Variants in SNX31 observed in about 807,000 individuals in gnomAD.
The protein encoded by SNX31 is sorting nexin 31.
In SNX31, 58 loss-of-function variants were observed where a neutral mutation model predicts 65.4. That is an observed-to-expected ratio of 0.89 (90% CI 0.72 to 1.10). The LOEUF is 1.10. Among genes scored for constraint, SNX31 ranks in the 50% least tolerant of loss-of-function variants. The probability of loss-of-function intolerance (pLI) is 0.00; values close to 1 mark genes in which losing one functional copy is unlikely to be tolerated. For synonymous variants in SNX31, 181 were observed against 190.1 expected (o/e 0.95, Z 0.39); for missense variants, 523 against 529.7 (o/e 0.99, Z 0.12).
In SNX31 at chr8:100,641,601, TAC is replaced by T. The variant is rs1197467682; in HGVS notation, c.142-5592_142-5591del. ...ATATATATATATATATATATACACA[TAC>T]ACACACACACGCACACACGCGCATA... On this transcript the variant is annotated intron_variant, in intron 2 of 13. Coordinates refer to ENST00000311812, the MANE Select transcript of SNX31 (RefSeq NM_152628.4). 4.1e-3 allele frequency among the ~76,000 whole-genome samples: 85 copies of T among 20,866 alleles called. 1 individual carries two copies. Among genetic ancestry groups the T allele is most frequent in the South Asian group, 0.039 (12 of 310 alleles). 13.7% of individuals were successfully genotyped at this position (20,866 alleles called of 152,430 possible).
chr8:100,585,461 G>C (rs1210624044), intron 11 of SNX31, among the ~76,000 whole-genome samples: 1 of 152,146 alleles, frequency 6.6e-6, no homozygotes, highest in African/African-American at 2.4e-5. Context: ...GAAGTTCTTG[G>C]AGGGGAGAAC....
intron 1 of SNX31, among the ~76,000 whole-genome samples, chr8:100,662,600 GGCAGGAGAATACCTTGAACCCAGGAGGCA>G (rs1809805983): frequency 6.6e-6 from 1 of 152,182 alleles, no homozygotes; most frequent in Admixed American, 6.5e-5. Flanking sequence ...GGGAGGCTGA[GGCAGGAGAATACCTTGAACCCAGGAGGCA>G]GAGGTTGCAG....
At chr8:100,641,109 A>T (rs558617286) in intron 2 of SNX31, among the ~76,000 whole-genome samples, 1 of 152,102 alleles carries the variant, frequency 6.6e-6, no homozygotes, top group Admixed American at 6.5e-5. Flanking sequence ...TTAAAAAAAA[A>T]CTGATGTTCT....
upstream of SNX31, among the ~76,000 whole-genome samples, chr8:100,650,614 G>A (rs545311260): frequency 2.0e-5 from 3 of 152,322 alleles, no homozygotes; most frequent in South Asian, 2.1e-4. Context: ...CCTCCTGCGT[G>A]CTTGCTGGGT....
chr8:100,649,862 G>A (rs1156850326), upstream of SNX31, among the ~76,000 whole-genome samples: 1 of 152,172 alleles, frequency 6.6e-6, no homozygotes, highest in Non-Finnish European at 1.5e-5. Flanking sequence ...CCCATTACCT[G>A]CCAACGCTGC....
In SNX31 at chr8:100,588,401, AT is replaced by A. The variant is rs569099801; in HGVS notation, c.1092+464del. ...ATTTTTATTAACTAAGATCATAAAA[AT>A]CTGTATTGCCTAAGTCAGGGGTTGG... On this transcript the variant is annotated intron_variant, in intron 11 of 13. Transcript: ENST00000311812. This position sits in a 1 kb window ranked among gnomAD's most constrained non-coding sequence, Gnocchi z 4.8. Among the ~76,000 whole-genome samples the A allele has an allele frequency of 4.8e-3, 735 of 152,330 alleles. 2 individuals are homozygous for A. Among genetic ancestry groups the A allele is most frequent in the Non-Finnish European group, 7.6e-3 (517 of 68,032 alleles).
rs1336495543 is a variant in SNX31, at chr8:100,594,076, G to T, written c.978+2563C>A. Among the ~76,000 whole-genome samples, 4 of 152,110 alleles carry T rather than the reference G, an allele frequency of 2.6e-5. No individual in the cohort carries two copies. Among genetic ancestry groups the T allele is most frequent in the Non-Finnish European group, 5.9e-5 (4 of 68,032 alleles). ...CCAGCACTTTGGGAGGCCGAAGCAGGCAGATTGTTTGAGGTCAGGAGTTTG... is the reference window on the plus strand; with the variant it reads ...CCAGCACTTTGGGAGGCCGAAGCAGTCAGATTGTTTGAGGTCAGGAGTTTG... On this transcript the variant is annotated intron_variant, in intron 10 of 13. Coordinates refer to ENST00000311812, the MANE Select transcript of SNX31 (RefSeq NM_152628.4). The surrounding 1 kb of genome is among the most constrained non-coding windows in gnomAD (Gnocchi z 4.0).
intron 8 of SNX31, among the ~76,000 whole-genome samples, chr8:100,602,638 G>A (rs1183209443): frequency 1.3e-5 from 2 of 152,124 alleles, no homozygotes; most frequent in Admixed American, 1.3e-4. Context: ...GCACTTTAGG[G>A]CCATTATTAA....
At chr8:100,649,208 G>T in intron 2 of SNX31, 66 bp downstream of exon 2, 1 of 1,519,440 alleles carries the variant, frequency 6.6e-7, no homozygotes, top group Non-Finnish European at 9.1e-7. Context: ...GGAACAGAGC[G>T]CTTTGGGGAC....
chr8:100,620,155 G>T (rs969168958), intron 4 of SNX31, among the ~76,000 whole-genome samples: 2 of 152,178 alleles, frequency 1.3e-5, no homozygotes, highest in African/African-American at 4.8e-5. Context: ...TCACCTTCCA[G>T]GTGTCAGCAT....
intron 10 of SNX31, among the ~76,000 whole-genome samples, chr8:100,590,327 T>C (rs778921506): frequency 1.1e-4 from 16 of 152,212 alleles, no homozygotes; most frequent in Admixed American, 6.5e-5. Flanking sequence ...GTGTGGTAGC[T>C]CATGCCTGTA....
chr8:100,593,778 G>A (rs985864169), intron 10 of SNX31, among the ~76,000 whole-genome samples: 4 of 151,834 alleles, frequency 2.6e-5, no homozygotes, highest in African/African-American at 9.7e-5. Flanking sequence ...TAAGTCTCAT[G>A]CTCCATACAA....
intron 10 of SNX31, among the ~76,000 whole-genome samples, chr8:100,595,311 G>GTTTTTTT (rs765163460): frequency 1.4e-5 from 2 of 138,784 alleles, no homozygotes; most frequent in Non-Finnish European, 1.5e-5. Flanking sequence ...GAGGGAATTT[G>GTTTTTTT]TTGTTTTTTT....
At chr8:100,632,867 G>T (rs1169661805) in intron 3 of SNX31, among the ~76,000 whole-genome samples, 1 of 151,304 alleles carries the variant, frequency 6.6e-6, no homozygotes, top group East Asian at 2.0e-4. Flanking sequence ...AAAGTGTTGG[G>T]ATTACAGGTG....
intron 2 of SNX31, among the ~76,000 whole-genome samples, chr8:100,638,908 A>T (rs12675004): frequency 0.48 from 72,569 of 152,060 alleles, 17,590 homozygotes; most frequent in African/African-American, 0.55. Flanking sequence ...AAGACATGAA[A>T]GAAACGTAAA....
rs112567274 is a variant in SNX31, at chr8:100,612,738, G to C, written c.523+257C>G. On this transcript the variant is annotated intron_variant, in intron 6 of 13. Coordinates refer to ENST00000311812, the MANE Select transcript of SNX31 (RefSeq NM_152628.4). The surrounding 1 kb of genome is among the most constrained non-coding windows in gnomAD (Gnocchi z 4.3). ...GTGGTCAGGCCGGGCCTGCGGTAAA[G>C]GGGAGGGGGTCAGGATTAGGGCTGG... 4.1e-3 allele frequency among the ~76,000 whole-genome samples: 619 copies of C among 152,274 alleles called. 5 individuals carry two copies. The highest frequency in any genetic ancestry group is 0.014 in the African/African-American group (588 of 41,546).
At chr8:100,641,083 CA>C (rs35120945) in intron 2 of SNX31, among the ~76,000 whole-genome samples, 6 of 151,548 alleles carry the variant, frequency 4.0e-5, no homozygotes, top group Non-Finnish European at 7.4e-5. Context: ...AAAACTGTTT[CA>C]AAAATTAAGT....
At chr8:100,635,812 A>G in intron 3 of SNX31, 85 bp downstream of exon 3, 1 of 845,202 alleles carries the variant, frequency 1.2e-6, no homozygotes, top group Admixed American at 2.1e-5. Context: ...TTGTAAAAGA[A>G]TTGTACACTT....
In SNX31 at chr8:100,578,191, G is replaced by C. The variant is rs1813204152; in HGVS notation, c.1171-1116C>G. 6.6e-6 allele frequency among the ~76,000 whole-genome samples: 1 copy of C among 152,200 alleles called. No homozygotes were observed. The highest frequency in any genetic ancestry group is 6.5e-5 in the Admixed American group (1 of 15,288). Reference sequence around the variant, plus strand: ...ACAGAGCAGAGTGGGAGTGAATCTGGAAAGGCAGAGTGCCTGGCACACCTA... The same window carrying C: ...ACAGAGCAGAGTGGGAGTGAATCTGCAAAGGCAGAGTGCCTGGCACACCTA... On this transcript the variant is annotated intron_variant, in intron 12 of 13. Coordinates refer to ENST00000311812, the MANE Select transcript of SNX31 (RefSeq NM_152628.4). The surrounding 1 kb of genome is among the most constrained non-coding windows in gnomAD (Gnocchi z 4.7).
Sources: gnomAD v4.1 joint callset for allele counts (sites outside exome capture counted in the v4.1 genomes callset) on GRCh38, gnomAD v4.1.1 for gene constraint, Gnocchi (gnomAD v3.1) non-coding constraint, MANE v1.5 for transcripts, NCBI Gene and HGNC (gene_info 2026-07-23, HGNC 2026-07-21) for gene names.